ADCY8: variants seen among roughly 807,000 people sequenced by gnomAD.
The protein encoded by ADCY8 is adenylate cyclase 8.
A neutral mutation model predicts 119.7 loss-of-function variants in ADCY8; 51 were observed. That is an observed-to-expected ratio of 0.43 (90% CI 0.34 to 0.54). The LOEUF is 0.54. Among genes scored for constraint, ADCY8 ranks in the 20% least tolerant of loss-of-function variants. ADCY8 has a pLI of 0.03. For synonymous variants in ADCY8, 665 were observed against 651.0 expected (o/e 1.02, Z -0.33); for missense variants, 1,383 against 1,598.8 (o/e 0.87, Z 2.30).
intron 1 of ADCY8, among the ~76,000 whole-genome samples, chr8:130,994,200 C>T (rs1822692897): frequency 6.6e-6 from 1 of 152,242 alleles, no homozygotes; most frequent in Admixed American, 6.5e-5. Flanking sequence ...AGGACATGGA[C>T]ACAATTAACT....
chr8:130,811,449 C>T (rs1282862799), intron 14 of ADCY8, among the ~76,000 whole-genome samples: 1 of 152,174 alleles, frequency 6.6e-6, no homozygotes, highest in Non-Finnish European at 1.5e-5. Flanking sequence ...ACCCACTGTC[C>T]AAGCCAACTG....
chr8:131,027,771 G>A (rs1185891894), intron 1 of ADCY8, among the ~76,000 whole-genome samples: 1 of 152,174 alleles, frequency 6.6e-6, no homozygotes, highest in Non-Finnish European at 1.5e-5. Context: ...TGCTGACTGA[G>A]GGAGGGATTT....
chr8:131,003,028 C>T (rs939339517), intron 1 of ADCY8, among the ~76,000 whole-genome samples: 10 of 152,062 alleles, frequency 6.6e-5, no homozygotes, highest in Admixed American at 5.2e-4. Context: ...TGGCAAAACC[C>T]CATCTCTACT....
chr8:130,812,890 T>A (rs189328659), intron 14 of ADCY8, among the ~76,000 whole-genome samples: 1 of 152,016 alleles, frequency 6.6e-6, no homozygotes, highest in Non-Finnish European at 1.5e-5. Context: ...TATACATGCA[T>A]ATATTTTATT....
intron 7 of ADCY8, among the ~76,000 whole-genome samples, chr8:130,893,370 G>A (rs1449449878): frequency 4.6e-5 from 7 of 152,158 alleles, no homozygotes; most frequent in Admixed American, 3.3e-4. Flanking sequence ...GGACTCACAA[G>A]TAGGGGAGAG....
At chr8:130,841,805 G>A (rs1055230743) in intron 11 of ADCY8, among the ~76,000 whole-genome samples, 1 of 152,164 alleles carries the variant, frequency 6.6e-6, no homozygotes, top group African/African-American at 2.4e-5. Flanking sequence ...ATAGTTTAAA[G>A]AAATCATCTG....
chr8:130,884,532 GA>G lies in ADCY8; in HGVS notation c.2109+31del, dbSNP rs765876156. On this transcript the variant is annotated intron_variant, in intron 8 of 17. Transcript: ENST00000286355. ...ATGAACATCTACCACAATTTACTCA[GA>G]AAAAGAGCCGCTGTGGAGACCCAGC... The G allele has an allele frequency of 5.6e-6, 9 of 1,610,632 alleles. No homozygotes were observed. In the Admixed American group the frequency reaches 1.3e-4, roughly 24 times the overall value.
In ADCY8 at chr8:130,908,680, G is replaced by A. The variant is rs1056643493; in HGVS notation, c.1640+1028C>T. On this transcript the variant is annotated intron_variant, in intron 6 of 17. Coordinates refer to ENST00000286355, the MANE Select transcript of ADCY8 (RefSeq NM_001115.3). Reference sequence around the variant, plus strand: ...TATCTCTCTTCCTGCAGTGAAGAAAGTTGGACTCAGAAGTTAAGCACTGGC... The same window carrying A: ...TATCTCTCTTCCTGCAGTGAAGAAAATTGGACTCAGAAGTTAAGCACTGGC... Among the ~76,000 whole-genome samples the A allele has an allele frequency of 2.0e-5, 3 of 152,192 alleles. No homozygotes were observed. The South Asian group carries it at 6.2e-4, about 31-fold the overall frequency.
intron 11 of ADCY8, 103 bp downstream of exon 11, chr8:130,847,318 GCCT>G: frequency 1.4e-6 from 1 of 736,254 alleles, no homozygotes; most frequent in African/African-American, 1.8e-5. Flanking sequence ...AGGAAAACAG[GCCT>G]CTTGAGTATT....
intron 1 of ADCY8, among the ~76,000 whole-genome samples, chr8:131,038,916 G>A (rs1235340337): frequency 3.9e-5 from 6 of 152,158 alleles, no homozygotes; most frequent in Non-Finnish European, 8.8e-5. Flanking sequence ...AGAACTGAGG[G>A]TTTGTGGCTT....
chr8:131,024,370 C>T (rs367633701), intron 1 of ADCY8, among the ~76,000 whole-genome samples: 1 of 152,302 alleles, frequency 6.6e-6, no homozygotes, highest in South Asian at 2.1e-4. Flanking sequence ...GATAAAGGAG[C>T]TACTTTATTC....
At chr8:130,991,199 T>C (rs1316893695) in intron 1 of ADCY8, among the ~76,000 whole-genome samples, 1 of 152,238 alleles carries the variant, frequency 6.6e-6, no homozygotes, top group Non-Finnish European at 1.5e-5. Flanking sequence ...GTAGACAGAT[T>C]CTTGAAAAGG....
At chr8:130,897,700 ACATCATATG>A in intron 7 of ADCY8, among the ~76,000 whole-genome samples, 4 of 146,776 alleles carry the variant, frequency 2.7e-5, no homozygotes, top group Admixed American at 1.4e-4. Flanking sequence ...TACACACCTC[ACATCATATG>A]CACATACACA....
rs547021359 is a variant in ADCY8 at position 130,979,489 on chromosome 8, T to C, written c.1110+10904A>G. Among the ~76,000 whole-genome samples, 4 of 152,260 alleles carry C rather than the reference T, an allele frequency of 2.6e-5. No homozygotes were observed. In the South Asian group the frequency reaches 8.3e-4, roughly 32 times the overall value. ...CCAATATGAGTTGAGTTTCCTGTCA[T>C]TTGAGGCTAAAGGAGCGTGCCCATG... On this transcript the variant is annotated intron_variant, in intron 2 of 17. Transcript: ENST00000286355.
chr8:131,007,155 A>T (rs963989712), intron 1 of ADCY8, among the ~76,000 whole-genome samples: 1 of 152,240 alleles, frequency 6.6e-6, no homozygotes, highest in African/African-American at 2.4e-5. Flanking sequence ...TTTTAGTTAA[A>T]AAAAGCACAT....
At chr8:130,890,968 C>T (rs555395042) in intron 7 of ADCY8, among the ~76,000 whole-genome samples, 92 of 152,288 alleles carry the variant, frequency 6.0e-4, no homozygotes, top group Admixed American at 5.6e-3. Context: ...CTAGCGAGAA[C>T]GCCAGGCTCA....
chr8:130,923,435 G>T (rs749308225), intron 5 of ADCY8, among the ~76,000 whole-genome samples: 6 of 152,204 alleles, frequency 3.9e-5, no homozygotes, highest in Non-Finnish European at 8.8e-5. Flanking sequence ...CTGCCACAAG[G>T]ATTAAGACCT....
intron 1 of ADCY8, among the ~76,000 whole-genome samples, chr8:131,023,585 C>T (rs922691017): frequency 1.3e-5 from 2 of 152,126 alleles, no homozygotes; most frequent in African/African-American, 4.8e-5. Context: ...TGCCACTATT[C>T]TAAAAATCTT....
intron 15 of ADCY8, among the ~76,000 whole-genome samples, chr8:130,791,801 T>G (rs1332348791): frequency 6.6e-6 from 1 of 152,188 alleles, no homozygotes; most frequent in Non-Finnish European, 1.5e-5. Context: ...TACAGGTCCA[T>G]CCCTTGTCAT....
Sources: allele counts gnomAD v4.1 joint callset (sites outside exome capture counted in the v4.1 genomes callset), GRCh38; gene constraint gnomAD v4.1.1; transcripts MANE v1.5; gene names NCBI Gene and HGNC (gene_info 2026-07-23, HGNC 2026-07-21).